Variants in ZBTB40 observed in about 807,000 individuals in gnomAD.
The protein encoded by ZBTB40 is zinc finger and BTB domain containing 40.
ZBTB40 carries 60 observed loss-of-function variants against 117.5 expected under a neutral mutation model. The ratio of observed to expected loss-of-function variants is 0.51; its 90% CI spans 0.41 to 0.63. ZBTB40 has a LOEUF of 0.63. Among genes scored for constraint, ZBTB40 ranks in the 30% least tolerant of loss-of-function variants. The probability of loss-of-function intolerance (pLI) is 0.00; values close to 1 mark genes in which losing one functional copy is unlikely to be tolerated. For missense variants in ZBTB40, 1,287 were observed against 1,498.5 expected, an observed-to-expected ratio of 0.86 and a Z score of 2.33; for synonymous variants, 525 against 577.1, an observed-to-expected ratio of 0.91 and a Z score of 1.29.
chr1:22,448,834 A>C (rs1217931229), upstream of ZBTB40, among the ~76,000 whole-genome samples: 1 of 150,344 alleles, frequency 6.7e-6, no homozygotes, highest in Admixed American at 6.6e-5. Context: ...TTTTTTTTTG[A>C]GACAGTCTTG....
intron 5 of ZBTB40, among the ~76,000 whole-genome samples, chr1:22,504,851 A>G (rs552397350): frequency 2.0e-5 from 3 of 152,358 alleles, no homozygotes; most frequent in African/African-American, 7.2e-5. Context: ...TCTTACCAGT[A>G]TCTGGCTGCC....
rs751955171 is a variant in ZBTB40 at position 22,489,932 on chromosome 1, G to A, written c.-17G>A. 7 of 1,607,272 alleles carry A rather than the reference G, an allele frequency of 4.4e-6. No individual in the cohort carries two copies. The highest frequency in any genetic ancestry group is 2.2e-5 in the East Asian group (1 of 44,872). On this transcript the variant is annotated 5_prime_UTR_variant, in exon 2 of 18. Coordinates refer to ENST00000375647, the MANE Select transcript of ZBTB40 (RefSeq NM_014870.4). ...GGAGAGGAGAGGAAGAGCAGTTCTT[G>A]GGGCAGAGTTGACGCAATGGAGCTC... is the stretch of plus-strand genomic sequence containing the variant.
chr1:22,504,592 C>G (rs1639030385), intron 5 of ZBTB40, among the ~76,000 whole-genome samples: 1 of 152,200 alleles, frequency 6.6e-6, no homozygotes, highest in Non-Finnish European at 1.5e-5. Flanking sequence ...CCTATGAGTA[C>G]TTCTCCCTAA....
Position 22,513,067 on chromosome 1 carries a change from T to A in ZBTB40, c.2605T>A (p.Cys869Ser), listed in dbSNP as rs751243409. 21 of 1,614,084 alleles carry A rather than the reference T, an allele frequency of 1.3e-5. No individual in the cohort carries two copies. In the Admixed American group the frequency reaches 3.3e-4, roughly 26 times the overall value. ...TGDRPFMCKH[C>S]LMTFTQASAL... Reference sequence around the variant, plus strand: ...GGACCGCCCGTTCATGTGCAAGCACTGCCTCATGACCTTCACCCAGGCCTC... The same window carrying A: ...GGACCGCCCGTTCATGTGCAAGCACAGCCTCATGACCTTCACCCAGGCCTC... The change falls in exon 12 of 18, where the codon TGC becomes AGC. Residue 869 changes from cysteine (C) to serine (S), a missense_variant. Coordinates refer to ENST00000375647, the MANE Select transcript of ZBTB40 (RefSeq NM_014870.4). This position sits in a 1 kb window ranked among gnomAD's most constrained non-coding sequence, Gnocchi z 4.9.
In ZBTB40 at chr1:22,508,078, A is replaced by G. The variant is rs1365976911; in HGVS notation, c.1438A>G (p.Asn480Asp). The change falls in exon 7 of 18, where the codon AAC (asparagine) becomes GAC (aspartate). Residue 480 changes from asparagine to aspartate, a missense_variant. Coordinates refer to ENST00000375647, the MANE Select transcript of ZBTB40 (RefSeq NM_014870.4). Reference protein sequence around the residue: ...HENLSEIFTDNQILLKMISHM... With the variant: ...HENLSEIFTDDQILLKMISHM... ...AAACCTCTCTGAGATTTTCACAGAC[A>G]ACCAGATTTTATTAAAGATGATCTC... 1 of 1,614,194 alleles carries G rather than the reference A, an allele frequency of 6.2e-7. No individual in the cohort carries two copies. The highest frequency in any genetic ancestry group is 1.1e-5 in the South Asian group (1 of 91,080).
At position 22,513,484 on chromosome 1, in the gene ZBTB40, A is replaced by G. The variant is rs1569874427; in HGVS notation, c.2668+354A>G. On this transcript the variant is annotated intron_variant, in intron 12 of 17. Coordinates refer to ENST00000375647, the MANE Select transcript of ZBTB40 (RefSeq NM_014870.4). This position sits in a 1 kb window ranked among gnomAD's most constrained non-coding sequence, Gnocchi z 4.9. ...ATAAGGCTGAGGCAGGCGGATCACAAGGTCAGGAGATTGAGACCATCCTGG... is the reference window on the plus strand; with the variant it reads ...ATAAGGCTGAGGCAGGCGGATCACAGGGTCAGGAGATTGAGACCATCCTGG... Among the ~76,000 whole-genome samples, 1 of 151,476 alleles carries G rather than the reference A, an allele frequency of 6.6e-6. No individual in the cohort carries two copies. Among genetic ancestry groups the G allele is most frequent in the East Asian group, 1.9e-4 (1 of 5,144 alleles).
chr1:22,490,568 C>A lies in ZBTB40; in HGVS notation c.620C>A (p.Pro207His). Residue 207 changes from proline (P) to histidine (H), a missense_variant, in exon 2 of 18, where the codon CCT (proline) becomes CAT (histidine). Transcript: ENST00000375647. ...AATGCAGAAACCCCAGCGGAGACTC[C>A]TACTACAGCTGAAGCTTGTTCCCCC... is the stretch of plus-strand genomic sequence containing the variant. ...QRNAETPAETPTTAEACSPSP... is the reference protein window; with the variant it reads ...QRNAETPAETHTTAEACSPSP... The A allele has an allele frequency of 1.2e-6, 2 of 1,614,108 alleles. No homozygotes were observed. The highest frequency in any genetic ancestry group is 1.7e-6 in the Non-Finnish European group (2 of 1,180,018).
rs766861192 is a variant in ZBTB40, at chr1:22,463,778, A to T, written c.-70+11774A>T. 4.9e-4 allele frequency among the ~76,000 whole-genome samples: 74 copies of T among 152,254 alleles called. 1 individual carries two copies. Among genetic ancestry groups the T allele is most frequent in the Admixed American group, 2.2e-3 (33 of 15,284 alleles). On this transcript the variant is annotated intron_variant, in intron 1 of 17. Coordinates refer to ENST00000375647, the MANE Select transcript of ZBTB40 (RefSeq NM_014870.4). ...TGTTTCTATGAATTAGTCAGAAGAT[A>T]AGAGGACATAAGCAGTTTGTTACGC...
At chr1:22,474,931 C>A in intron 1 of ZBTB40, among the ~76,000 whole-genome samples, 1 of 119,108 alleles carries the variant, frequency 8.4e-6, no homozygotes. Context: ...TAGGGATTAC[C>A]AGTACCAACA....
At chr1:22,433,216 G>A (rs914022259) in intron 1 of ZBTB40, among the ~76,000 whole-genome samples, 4 of 151,742 alleles carry the variant, frequency 2.6e-5, no homozygotes, top group Admixed American at 2.0e-4. Flanking sequence ...GGTGGATCAC[G>A]AGGTCAGGAG....
intron 1 of ZBTB40, among the ~76,000 whole-genome samples, chr1:22,433,975 A>G (rs1269615104): frequency 1.3e-5 from 2 of 152,158 alleles, no homozygotes; most frequent in Non-Finnish European, 2.9e-5. Context: ...AGGTATGTAT[A>G]AAATCCCAGA....
chr1:22,512,198 G>A, intron 11 of ZBTB40, 64 bp downstream of exon 11: 1 of 1,581,368 alleles, frequency 6.3e-7, no homozygotes, highest in East Asian at 2.2e-5. Flanking sequence ...TGGATTTCAG[G>A]CCTTTCCCTT....
At chr1:22,489,812 C>G in intron 1 of ZBTB40, 68 bp from the exon 2 acceptor site, 1 of 788,560 alleles carries the variant, frequency 1.3e-6, no homozygotes, top group Non-Finnish European at 2.2e-6. Context: ...GTTCATTTAG[C>G]GTTTCATTCA....
chr1:22,490,313 A>T lies in ZBTB40; in HGVS notation c.365A>T (p.Gln122Leu). 1 of 1,614,200 alleles carries T rather than the reference A, an allele frequency of 6.2e-7. No homozygotes were observed. Among genetic ancestry groups the T allele is most frequent in the East Asian group, 2.2e-5 (1 of 44,878 alleles). Residue 122 changes from glutamine to leucine, a missense_variant, in exon 2 of 18, where the codon CAG becomes CTG. Around this residue, in one of 2 missense-constraint regions of ZBTB40, gnomAD observed 870 missense variants for 934.4 expected, o/e 0.93. Transcript: ENST00000375647. ...ACCAGCCTTGTAAACTGCTCGGTTC[A>T]GGGTCAGGTGGTAAGGGATGTCTCT... is the stretch of plus-strand genomic sequence containing the variant. The part of the protein sequence containing the change: ...LLTSLVNCSV[Q>L]GQVVRDVSAP...
chr1:22,473,815 T>A (rs1294217658), intron 1 of ZBTB40, among the ~76,000 whole-genome samples: 3 of 152,166 alleles, frequency 2.0e-5, no homozygotes, highest in African/African-American at 4.8e-5. Flanking sequence ...TAGCGTTCAG[T>A]GAGGCCTTGG....
At chr1:22,477,907 C>T (rs558511511) in intron 1 of ZBTB40, among the ~76,000 whole-genome samples, 2 of 152,288 alleles carry the variant, frequency 1.3e-5, no homozygotes, top group South Asian at 2.1e-4. Flanking sequence ...CCCTTTCCCA[C>T]CTACTACTGG....
At chr1:22,468,274 C>T (rs574527884) in intron 1 of ZBTB40, among the ~76,000 whole-genome samples, 117 of 152,088 alleles carry the variant, frequency 7.7e-4, no homozygotes, top group African/African-American at 2.7e-3. Flanking sequence ...GTTAGTTCTG[C>T]CAAATCCGAG....
At chr1:22,459,758 A>C (rs1176690509) in intron 1 of ZBTB40, among the ~76,000 whole-genome samples, 1 of 151,608 alleles carries the variant, frequency 6.6e-6, no homozygotes, top group Non-Finnish European at 1.5e-5. Flanking sequence ...TATTTTTATT[A>C]GGATTGTGTT....
chr1:22,524,252 T>A lies in ZBTB40; in HGVS notation c.3333T>A (p.Ala1111=). 3.1e-6 allele frequency: 5 copies of A among 1,614,222 alleles called. No homozygotes were observed. The highest frequency in any genetic ancestry group is 4.2e-6 in the Non-Finnish European group (5 of 1,180,040). ...CATTCCGGTGCTTGTACTGTGCTGC[T>A]ACTTTCCGTTTTCCTGGAGCATTGC... The part of the protein sequence containing the change: ...SQPFRCLYCA[A]TFRFPGALQH... The change falls in exon 17 of 18, where the codon GCT becomes GCA. Residue 1111 remains alanine, a synonymous_variant. Coordinates refer to ENST00000375647, the MANE Select transcript of ZBTB40 (RefSeq NM_014870.4).
Sources: allele counts gnomAD v4.1 joint callset (sites outside exome capture counted in the v4.1 genomes callset), GRCh38; gene constraint gnomAD v4.1.1; regional missense constraint gnomAD v4.1.1; non-coding constraint Gnocchi (gnomAD v3.1); transcripts MANE v1.5; gene names NCBI Gene and HGNC (gene_info 2026-07-23, HGNC 2026-07-21).